Variants in COL28A1 observed in about 807,000 individuals in gnomAD.
The protein encoded by COL28A1 is collagen alpha-1(XXVIII) chain.
A neutral mutation model predicts 150.2 loss-of-function variants in COL28A1; 161 were observed. The observed-to-expected ratio is 1.07, with a 90% CI of 0.94 to 1.22. COL28A1 has a LOEUF of 1.22. COL28A1 is among the 50% of genes most tolerant of loss of function. The probability of loss-of-function intolerance (pLI) is 0.00; values close to 1 mark genes in which losing one functional copy is unlikely to be tolerated. For missense variants in COL28A1, 1,617 were observed against 1,388.3 expected (o/e 1.16, Z -2.62); for synonymous variants, 552 against 469.7 (o/e 1.18, Z -2.26).
At chr7:7,391,424 G>T (rs569851819) in intron 27 of COL28A1, among the ~76,000 whole-genome samples, 21 of 152,174 alleles carry the variant, frequency 1.4e-4, no homozygotes, top group Non-Finnish European at 2.6e-4. Context: ...GAATAAGGGT[G>T]ATGTAGTGCT....
At chr7:7,397,018 G>A (rs1451975275) in intron 27 of COL28A1, among the ~76,000 whole-genome samples, 2 of 152,132 alleles carry the variant, frequency 1.3e-5, no homozygotes, top group Non-Finnish European at 2.9e-5. Context: ...GGACCAAGAT[G>A]CTGCTGACAT....
chr7:7,439,422 C>G (rs912363346), intron 21 of COL28A1, among the ~76,000 whole-genome samples: 1 of 152,116 alleles, frequency 6.6e-6, no homozygotes, highest in Non-Finnish European at 1.5e-5. Context: ...AAATTCTTCA[C>G]TAAAACCAAA....
intron 27 of COL28A1, among the ~76,000 whole-genome samples, chr7:7,390,407 A>G (rs1782469685): frequency 6.6e-6 from 1 of 152,130 alleles, no homozygotes; most frequent in African/African-American, 2.4e-5. Context: ...TATTTTATTG[A>G]GAATTTTTGC....
chr7:7,453,468 G>A lies in COL28A1; in HGVS notation c.1412C>T (p.Pro471Leu), dbSNP rs1463910911. 1 of 1,305,038 alleles carries A rather than the reference G, an allele frequency of 7.7e-7. No homozygotes were observed. Among genetic ancestry groups the A allele is most frequent in the Admixed American group, 1.7e-5 (1 of 59,076 alleles). 80.8% of individuals were successfully genotyped at this position (1,305,038 alleles called of 1,614,324 possible). Residue 471 changes from proline (P) to leucine (L), a missense_variant, in exon 17 of 35, where the codon CCC (proline) becomes CTC (leucine). Pro to Leu is a moderately conservative substitution (Grantham distance 98). Transcript: ENST00000399429. Reference sequence around the variant, plus strand: ...GGAACCAGGTAAGCCCTGTCCTGCGGGCCCTTGTGGACCAGGTGGACCAAT... The same window carrying A: ...GGAACCAGGTAAGCCCTGTCCTGCGAGCCCTTGTGGACCAGGTGGACCAAT... ...GPIGPPGPQG[P>L]AGQGLPGSKG...
chr7:7,532,012 C>T (rs1782393811), intron 2 of COL28A1, 108 bp from the exon 3 acceptor site: 2 of 642,466 alleles, frequency 3.1e-6, no homozygotes, highest in South Asian at 4.1e-5. Context: ...GTGTTGAGAG[C>T]AGCGTGAGGA....
rs1158963955 is a variant in COL28A1 at position 7,524,223 on chromosome 7, G to A, written c.702+6C>T. The A allele has an allele frequency of 3.9e-6, 5 of 1,294,222 alleles. No homozygotes were observed. In the East Asian group the frequency reaches 1.1e-4, roughly 30 times the overall value. The allele number at this position is 1,294,222 out of a possible 1,614,324, so 80.2% of individuals were successfully genotyped here. The stretch of plus-strand genomic sequence containing the variant: ...ATTCGTAGTAATCAAAGCATGTGGT[G>A]CTTACCTTCTTTTCAAATAAGATAT... On this transcript the variant is annotated splice_donor_region_variant and intron_variant, in intron 4 of 34. Transcript: ENST00000399429.
intron 34 of COL28A1, among the ~76,000 whole-genome samples, chr7:7,359,466 G>A (rs1358915255): frequency 2.0e-5 from 3 of 152,060 alleles, no homozygotes; most frequent in African/African-American, 7.2e-5. Flanking sequence ...AAGCCACATT[G>A]TCCTAATAAG....
intron 27 of COL28A1, among the ~76,000 whole-genome samples, chr7:7,411,753 A>C (rs1445043094): frequency 1.3e-5 from 2 of 152,214 alleles, no homozygotes; most frequent in African/African-American, 4.8e-5. Flanking sequence ...ATCCATGAGT[A>C]ATACTGATGC....
chr7:7,413,872 G>A (rs2128305308), intron 27 of COL28A1, among the ~76,000 whole-genome samples: 1 of 152,302 alleles, frequency 6.6e-6, no homozygotes, highest in South Asian at 2.1e-4. Context: ...TTATGCATAG[G>A]AAGAGTTATA....
Position 7,420,237 on chromosome 7 carries a change from G to A in COL28A1, c.1999-284C>T, listed in dbSNP as rs373440212. On this transcript the variant is annotated intron_variant, in intron 25 of 34. Transcript: ENST00000399429. Reference sequence around the variant, plus strand: ...GTAATTACGAGTATTGTGAATAGAGGATGGAAGAAGAGACAAGAATAAAAA... The same window carrying A: ...GTAATTACGAGTATTGTGAATAGAGAATGGAAGAAGAGACAAGAATAAAAA... 9.1e-5 allele frequency: 20 copies of A among 220,274 alleles called. 1 individual carries two copies. The highest frequency in any genetic ancestry group is 3.2e-4 in the African/African-American group (14 of 43,932). 13.6% of individuals were successfully genotyped at this position (220,274 alleles called of 1,614,324 possible). A position where few individuals can be genotyped will look rare whatever the true frequency, so the allele number is the denominator to read the frequency against.
intron 21 of COL28A1, among the ~76,000 whole-genome samples, chr7:7,440,150 T>C (rs1377062021): frequency 1.3e-5 from 2 of 152,162 alleles, no homozygotes; most frequent in African/African-American, 4.8e-5. Flanking sequence ...CTTCGCTTCT[T>C]CCTCAGCACT....
intron 11 of COL28A1, among the ~76,000 whole-genome samples, chr7:7,505,564 T>C (rs1398016294): frequency 6.6e-6 from 1 of 152,152 alleles, no homozygotes; most frequent in Non-Finnish European, 1.5e-5. Context: ...GTGCTGATGG[T>C]TGAGATTTCC....
chr7:7,404,631 A>G (rs1228956705), intron 27 of COL28A1, among the ~76,000 whole-genome samples: 1 of 152,034 alleles, frequency 6.6e-6, no homozygotes, highest in East Asian at 1.9e-4. Context: ...CTCTGCTCAG[A>G]TATTATCTAC....
At chr7:7,427,490 A>G (rs935307092) in intron 25 of COL28A1, among the ~76,000 whole-genome samples, 12 of 152,156 alleles carry the variant, frequency 7.9e-5, no homozygotes, top group Non-Finnish European at 1.0e-4. Context: ...ATGTCTGCCA[A>G]TGGAATTCAC....
In COL28A1 at chr7:7,445,630, C is replaced by T. The variant is rs545990385; in HGVS notation, c.1510-1141G>A. Among the ~76,000 whole-genome samples the T allele has an allele frequency of 2.6e-5, 4 of 152,136 alleles. No individual in the cohort carries two copies. In the South Asian group the frequency reaches 8.3e-4, roughly 32 times the overall value. On this transcript the variant is annotated intron_variant, in intron 18 of 34. Transcript: ENST00000399429. Reference sequence around the variant, plus strand: ...GTTAATTTACGATTAGTAATAAATCCTTTAAAATGTTCAGGAAAAAAATAT... The same window carrying T: ...GTTAATTTACGATTAGTAATAAATCTTTTAAAATGTTCAGGAAAAAAATAT...
chr7:7,484,848 G>C (rs1417911899), intron 13 of COL28A1, among the ~76,000 whole-genome samples: 2 of 152,164 alleles, frequency 1.3e-5, no homozygotes, highest in African/African-American at 2.4e-5. Context: ...GATGGAGCTA[G>C]AAGCGCTTAT....
intron 15 of COL28A1, among the ~76,000 whole-genome samples, chr7:7,463,686 A>C (rs1435806056): frequency 6.6e-6 from 1 of 152,238 alleles, no homozygotes; most frequent in African/African-American, 2.4e-5. Flanking sequence ...AAATCTTGAA[A>C]GAAATCCTGG....
chr7:7,526,445 T>G (rs1441614773), intron 3 of COL28A1, among the ~76,000 whole-genome samples: 1 of 152,168 alleles, frequency 6.6e-6, no homozygotes, highest in Non-Finnish European at 1.5e-5. Context: ...ATACGTAAGA[T>G]ATTTCAAACC....
chr7:7,448,315 T>C (rs1460648431), intron 18 of COL28A1, among the ~76,000 whole-genome samples: 1 of 152,098 alleles, frequency 6.6e-6, no homozygotes, highest in Non-Finnish European at 1.5e-5. Flanking sequence ...AAAAAAGACA[T>C]GTTGTGTAGA....
Sources: allele counts gnomAD v4.1 joint callset (sites outside exome capture counted in the v4.1 genomes callset), GRCh38; gene constraint gnomAD v4.1.1; transcripts MANE v1.5; gene names NCBI Gene and HGNC (gene_info 2026-07-23, HGNC 2026-07-21).